FSTL1: variants seen among roughly 807,000 people sequenced by gnomAD.
FSTL1 encodes follistatin-related protein 1.
A neutral mutation model predicts 45.9 loss-of-function variants in FSTL1; 24 were observed. The ratio of observed to expected loss-of-function variants is 0.52; its 90% confidence interval spans 0.38 to 0.74. FSTL1 has a LOEUF of 0.74. Among genes scored for constraint, FSTL1 ranks in the 30% least tolerant of loss-of-function variants. FSTL1 has a pLI of 0.00. For synonymous variants in FSTL1, 120 were observed against 137.6 expected (o/e 0.87, Z 0.89); for missense variants, 340 against 381.8 (o/e 0.89, Z 0.91).
At position 120,396,841 on chromosome 3, in the gene FSTL1, A is replaced by G. The variant is rs1420366051; in HGVS notation, c.*111T>C. On this transcript the variant is annotated 3_prime_UTR_variant, in exon 11 of 11. Coordinates refer to ENST00000295633, the MANE Select transcript of FSTL1 (RefSeq NM_007085.5). The stretch of plus-strand genomic sequence containing the variant: ...AATAAACAAAATAAAACTCATTGCT[A>G]TATAAGCAAATACTGGTGATTTGGC... 4 of 777,216 alleles carry G rather than the reference A, an allele frequency of 5.1e-6. No individual in the cohort carries two copies. The East Asian group carries it at 9.8e-5, about 19-fold the overall frequency. The allele number at this position is 777,216 out of a possible 1,614,324, so 48.1% of individuals were successfully genotyped here. A position where few individuals can be genotyped will look rare whatever the true frequency, so the allele number is the denominator to read the frequency against.
At chr3:120,437,089 T>A (rs1000595796) in intron 2 of FSTL1, among the ~76,000 whole-genome samples, 1 of 152,242 alleles carries the variant, frequency 6.6e-6, no homozygotes, top group African/African-American at 2.4e-5. Context: ...CACTACAGTT[T>A]AGGTGAGCCA....
intron 10 of FSTL1, 124 bp from the exon 11 acceptor site, chr3:120,397,120 G>T (rs1386228055): frequency 6.2e-6 from 5 of 811,992 alleles, no homozygotes; most frequent in Non-Finnish European, 1.1e-5. Context: ...TTGTTTACTT[G>T]TCGGGCTCCT....
At chr3:120,423,063 T>C (rs1250682482) in intron 2 of FSTL1, 1 of 152,248 alleles carries the variant, frequency 6.6e-6, no homozygotes, top group East Asian at 1.9e-4. Flanking sequence ...TTATGGGATA[T>C]AACATGTTCC....
At chr3:120,401,526 G>A (rs962576959) in intron 9 of FSTL1, among the ~76,000 whole-genome samples, 1 of 151,840 alleles carries the variant, frequency 6.6e-6, no homozygotes, top group Non-Finnish European at 1.5e-5. Flanking sequence ...TGATCTTCCT[G>A]AACATTATCT....
chr3:120,438,655 T>C (rs186766977), intron 2 of FSTL1, among the ~76,000 whole-genome samples: 52 of 152,328 alleles, frequency 3.4e-4, no homozygotes, highest in Admixed American at 1.4e-3. Flanking sequence ...TCCTTTTATA[T>C]GAATAGGACT....
At chr3:120,434,066 A>G (rs1334913256) in intron 2 of FSTL1, among the ~76,000 whole-genome samples, 1 of 152,316 alleles carries the variant, frequency 6.6e-6, no homozygotes, top group African/African-American at 2.4e-5. Context: ...CTGTACAGAA[A>G]GAGCCAGGTC....
At chr3:120,431,768 G>A (rs1047061589) in intron 2 of FSTL1, among the ~76,000 whole-genome samples, 1 of 152,206 alleles carries the variant, frequency 6.6e-6, no homozygotes, top group African/African-American at 2.4e-5. Flanking sequence ...TCTTTAACTT[G>A]GAATACTTTT....
In FSTL1 at chr3:120,435,284, C is replaced by A. The variant is rs1257834311; in HGVS notation, c.63+15400G>T. On this transcript the variant is annotated intron_variant, in intron 2 of 10. Coordinates refer to ENST00000295633, the MANE Select transcript of FSTL1 (RefSeq NM_007085.5). ...TCTGATCATATACATCTGCAGTGTT[C>A]ACTCACAGTATTTTCTCATGAAGCA... is the stretch of plus-strand genomic sequence containing the variant. Among the ~76,000 whole-genome samples, 3 of 152,290 alleles carry A rather than the reference C, an allele frequency of 2.0e-5. No individual in the cohort carries two copies. The East Asian group carries it at 5.8e-4, about 29-fold the overall frequency.
At chr3:120,450,570 G>A (rs923738245) in intron 2 of FSTL1, 114 bp downstream of exon 2, 36 of 632,638 alleles carry the variant, frequency 5.7e-5, no homozygotes, top group Non-Finnish European at 8.2e-5. Flanking sequence ...CCCAAGGACC[G>A]AAACTCCCAG....
At chr3:120,431,836 T>A (rs904233104) in intron 2 of FSTL1, among the ~76,000 whole-genome samples, 29 of 152,156 alleles carry the variant, frequency 1.9e-4, no homozygotes, top group African/African-American at 6.5e-4. Context: ...CAAGGCAGCA[T>A]GTCAGGCTGC....
chr3:120,413,522 T>C (rs1253643192), intron 3 of FSTL1, among the ~76,000 whole-genome samples: 1 of 152,130 alleles, frequency 6.6e-6, no homozygotes, highest in African/African-American at 2.4e-5. Context: ...GGATCCCCAG[T>C]AGGATCTGGC....
intron 2 of FSTL1, among the ~76,000 whole-genome samples, chr3:120,447,386 C>T (rs977495497): frequency 8.5e-5 from 13 of 152,114 alleles, no homozygotes; most frequent in African/African-American, 3.1e-4. Context: ...AGTCCATTCA[C>T]ATGTTAATCT....
At chr3:120,423,162 T>C (rs1281992380) in intron 2 of FSTL1, 2 of 152,184 alleles carry the variant, frequency 1.3e-5, no homozygotes, top group Non-Finnish European at 2.9e-5. Context: ...CCATTTTCTT[T>C]ATTATTTTAC....
intron 7 of FSTL1, 128 bp downstream of exon 7, chr3:120,404,725 T>G (rs56281929): frequency 0.017 from 12,036 of 693,818 alleles, 267 homozygotes; most frequent in African/African-American, 0.076. Context: ...CAGGACAGAA[T>G]TCCCATTTTG....
intron 7 of FSTL1, 86 bp from the exon 8 acceptor site, chr3:120,403,440 C>CA: frequency 1.3e-6 from 1 of 787,504 alleles, no homozygotes; most frequent in Non-Finnish European, 2.2e-6. Flanking sequence ...CACATACACC[C>CA]AGGGCCTCCA....
intron 3 of FSTL1, among the ~76,000 whole-genome samples, chr3:120,413,492 G>A (rs1937111403): frequency 1.3e-5 from 2 of 152,056 alleles, no homozygotes; most frequent in Non-Finnish European, 2.9e-5. Context: ...CACTGCCAGT[G>A]AGGACCTCCC....
At chr3:120,437,837 G>C (rs574695673) in intron 2 of FSTL1, among the ~76,000 whole-genome samples, 11 of 152,280 alleles carry the variant, frequency 7.2e-5, no homozygotes, top group African/African-American at 2.2e-4. Context: ...ATTTCAGCAG[G>C]ACTAAAACAT....
At chr3:120,398,072 T>C (rs557091057) in intron 10 of FSTL1, among the ~76,000 whole-genome samples, 1 of 152,192 alleles carries the variant, frequency 6.6e-6, no homozygotes, top group African/African-American at 2.4e-5. Context: ...AGTAGATTAG[T>C]GGCTGCAAAG....
rs763573316 is a variant in FSTL1, at chr3:120,415,972, C to T, written c.119G>A (p.Arg40Gln). The change falls in exon 3 of 11, where the codon CGG becomes CAG. Residue 40 changes from arginine to glutamine, a missense_variant. Arg to Gln is a conservative substitution (Grantham distance 43). Coordinates refer to ENST00000295633, the MANE Select transcript of FSTL1 (RefSeq NM_007085.5). Reference sequence around the variant, plus strand: ...CCCTTTCTCTGTGACTGCACATTCCCGGCCGGCTCCACAAAACACATTGGC... The same window carrying T: ...CCCTTTCTCTGTGACTGCACATTCCTGGCCGGCTCCACAAAACACATTGGC... ...ICANVFCGAG[R>Q]ECAVTEKGEP... is the part of the protein sequence containing the mutation. 40 of 1,613,868 alleles carry T rather than the reference C, an allele frequency of 2.5e-5. No individual in the cohort carries two copies. The highest frequency in any genetic ancestry group is 4.0e-5 in the African/African-American group (3 of 74,932).
Sources: gnomAD v4.1 joint callset for allele counts (sites outside exome capture counted in the v4.1 genomes callset) on GRCh38, gnomAD v4.1.1 for gene constraint, MANE v1.5 for transcripts, NCBI Gene and HGNC (gene_info 2026-07-23, HGNC 2026-07-21) for gene names.